ANKRD29: variants seen among roughly 807,000 people sequenced by gnomAD.
ANKRD29 encodes ankyrin repeat domain 29.
Under a neutral mutation model 38.0 loss-of-function variants are expected in ANKRD29, and 32 were observed. The observed-to-expected ratio is 0.84, with a 90% CI of 0.64 to 1.13. The LOEUF is 1.13. ANKRD29 is among the 50% of genes most tolerant of loss of function. ANKRD29 has a pLI of 0.00. For missense variants in ANKRD29, 357 were observed against 377.9 expected (o/e 0.94, Z 0.46); for synonymous variants, 135 against 152.4 (o/e 0.89, Z 0.84).
At chr18:23,661,607 G>A (rs1445558672) in intron 1 of ANKRD29, among the ~76,000 whole-genome samples, 1 of 152,184 alleles carries the variant, frequency 6.6e-6, no homozygotes, top group East Asian at 1.9e-4. Flanking sequence ...ACTCTGGAGG[G>A]TAAGGAAGGA....
chr18:23,649,177 G>C lies in ANKRD29; in HGVS notation c.38C>G (p.Ala13Gly). Reference protein sequence around the residue: ...RMSFKKETPLANAAFWAARRG... With the variant: ...RMSFKKETPLGNAAFWAARRG... Reference sequence around the variant, plus strand: ...CCTGGCTGCCCAGAATGCAGCATTGGCAAGTGGAGTTTCCTTCTGCAAGAA... The same window carrying C: ...CCTGGCTGCCCAGAATGCAGCATTGCCAAGTGGAGTTTCCTTCTGCAAGAA... The change falls in exon 2 of 10, where the codon GCC (alanine) becomes GGC (glycine). Residue 13 changes from alanine to glycine, a missense_variant. Ala to Gly is a moderately conservative substitution (Grantham distance 60, BLOSUM62 0). Coordinates refer to ENST00000592179, the MANE Select transcript of ANKRD29 (RefSeq NM_173505.4). 6.2e-7 allele frequency: 1 copy of C among 1,613,272 alleles called. No homozygotes were observed. The highest frequency in any genetic ancestry group is 8.5e-7 in the Non-Finnish European group (1 of 1,179,696).
At chr18:23,646,126 T>TATCATGAAA in intron 3 of ANKRD29, 63 bp downstream of exon 3, 2 of 1,474,408 alleles carry the variant, frequency 1.4e-6, no homozygotes, top group Non-Finnish European at 1.9e-6. Flanking sequence ...ACCAGTTCAC[T>TATCATGAAA]ATCATGAAAA....
chr18:23,620,121 A>G (rs1469966976), intron 6 of ANKRD29, among the ~76,000 whole-genome samples: 1 of 152,066 alleles, frequency 6.6e-6, no homozygotes, highest in Non-Finnish European at 1.5e-5. Context: ...TACACCCTTC[A>G]TTCCCATAGA....
At position 23,599,180 on chromosome 18, in the gene ANKRD29, T is replaced by A. The variant is rs1052369; in HGVS notation, c.*2046A>T. 87,671 of 152,116 alleles carry A rather than the reference T, an allele frequency of 0.58. 28,578 individuals are homozygous for A. Among genetic ancestry groups the A allele is most frequent in the East Asian group, 0.86 (4,478 of 5,178 alleles). 9.4% of individuals were successfully genotyped at this position (152,116 alleles called of 1,614,324 possible). ...CCGTACAGTCTTTGGTAGGTGATGATTCATTTTCCCTGCTATGGGTAATCT... is the reference window on the plus strand; with the variant it reads ...CCGTACAGTCTTTGGTAGGTGATGAATCATTTTCCCTGCTATGGGTAATCT... On this transcript the variant is annotated 3_prime_UTR_variant, in exon 10 of 10. Coordinates refer to ENST00000592179, the MANE Select transcript of ANKRD29 (RefSeq NM_173505.4).
At chr18:23,640,867 G>A (rs2145711331) in intron 3 of ANKRD29, among the ~76,000 whole-genome samples, 1 of 152,250 alleles carries the variant, frequency 6.6e-6, no homozygotes, top group South Asian at 2.1e-4. Context: ...CTGTTAAGAT[G>A]GTAGGTCTCA....
intron 1 of ANKRD29, among the ~76,000 whole-genome samples, chr18:23,654,300 AAAT>A (rs1298115277): frequency 6.0e-5 from 9 of 149,554 alleles, no homozygotes; most frequent in African/African-American, 2.2e-4. Flanking sequence ...ATAAATAAAT[AAAT>A]AAATAAATAA....
At chr18:23,610,609 A>T (rs748213816) in intron 9 of ANKRD29, among the ~76,000 whole-genome samples, 10 of 151,874 alleles carry the variant, frequency 6.6e-5, no homozygotes, top group Non-Finnish European at 1.2e-4. Context: ...AGCCTGGGCA[A>T]CACAGCAAGA....
At chr18:23,614,636 C>T (rs1435342703) in intron 8 of ANKRD29, among the ~76,000 whole-genome samples, 1 of 149,900 alleles carries the variant, frequency 6.7e-6, no homozygotes, top group Non-Finnish European at 1.5e-5. Flanking sequence ...AAGGTCAAGA[C>T]CAGCCTGGGC....
At chr18:23,650,358 G>A (rs2060194569) in intron 1 of ANKRD29, among the ~76,000 whole-genome samples, 1 of 151,436 alleles carries the variant, frequency 6.6e-6, no homozygotes, top group East Asian at 2.0e-4. Context: ...GGCCTAGGCT[G>A]GTCTCGAACT....
chr18:23,636,883 C>T (rs1321291397), intron 4 of ANKRD29, among the ~76,000 whole-genome samples: 3 of 152,144 alleles, frequency 2.0e-5, no homozygotes, highest in South Asian at 4.1e-4. Flanking sequence ...TTTTATAAAA[C>T]ACAGTTTTGG....
chr18:23,606,626 A>G (rs79120335), intron 9 of ANKRD29, among the ~76,000 whole-genome samples: 1,740 of 152,218 alleles, frequency 0.011, 34 homozygotes, highest in African/African-American at 0.039. Context: ...TTGACTTCTT[A>G]GACCCCCTGT....
At chr18:23,627,396 G>A (rs1021129329) in intron 6 of ANKRD29, among the ~76,000 whole-genome samples, 9 of 152,142 alleles carry the variant, frequency 5.9e-5, no homozygotes, top group African/African-American at 2.2e-4. Context: ...CTTGCTCCTT[G>A]ACCAGAGGGT....
Position 23,601,134 on chromosome 18 carries a change from T to C in ANKRD29, c.*92A>G. The C allele has an allele frequency of 2.5e-6, 3 of 1,189,058 alleles. No homozygotes were observed. The highest frequency in any genetic ancestry group is 3.6e-6 in the Non-Finnish European group (3 of 830,058). The allele number at this position is 1,189,058 out of a possible 1,614,324, so 73.7% of individuals were successfully genotyped here. ...TGGGCATTCTGGGCATCTTTTTTTT[T>C]CATAAAAGAATTTCCAACACTGCTT... is the stretch of plus-strand genomic sequence containing the variant. On this transcript the variant is annotated 3_prime_UTR_variant, in exon 10 of 10. Coordinates refer to ENST00000592179, the MANE Select transcript of ANKRD29 (RefSeq NM_173505.4).
At chr18:23,622,363 C>A (rs935733490) in intron 6 of ANKRD29, among the ~76,000 whole-genome samples, 2 of 152,022 alleles carry the variant, frequency 1.3e-5, no homozygotes, top group African/African-American at 4.8e-5. Context: ...AATACTAATG[C>A]GCTTCTCCCT....
At chr18:23,618,567 G>A (rs1568015744) in intron 7 of ANKRD29, 1 of 152,142 alleles carries the variant, frequency 6.6e-6, no homozygotes, top group Non-Finnish European at 1.5e-5. Context: ...GTGACAGAGT[G>A]AGACTCTGTC....
intron 8 of ANKRD29, among the ~76,000 whole-genome samples, chr18:23,616,604 C>CAGTA (rs1406556569): frequency 7.6e-6 from 1 of 131,280 alleles, no homozygotes; most frequent in East Asian, 2.8e-4. Context: ...ACTATATATA[C>CAGTA]TATATATATA....
chr18:23,619,530 C>A lies in ANKRD29; in HGVS notation c.627+1G>T, dbSNP rs1035073194. The A allele has an allele frequency of 2.5e-6, 4 of 1,588,620 alleles. No individual in the cohort carries two copies. Among genetic ancestry groups the A allele is most frequent in the Non-Finnish European group, 3.4e-6 (4 of 1,175,652 alleles). ...TTTGGCCGCGCGACTCGGGCACTCA[C>A]GTTCCGCGCAGCGTCGCGGTCGGCT... On this transcript the variant is annotated splice_donor_variant, in intron 7 of 9. Transcript: ENST00000592179. LOFTEE classifies it high-confidence loss of function.
chr18:23,603,702 A>G (rs1027317834), intron 9 of ANKRD29, among the ~76,000 whole-genome samples: 2 of 152,230 alleles, frequency 1.3e-5, no homozygotes, highest in African/African-American at 2.4e-5. Context: ...TGTTAAGGTC[A>G]TAGTGGTAGA....
chr18:23,630,085 T>C (rs2059910546), intron 5 of ANKRD29, 134 bp from the exon 6 acceptor site: 19 of 695,264 alleles, frequency 2.7e-5, no homozygotes, highest in South Asian at 2.7e-4. Flanking sequence ...ATCCAGGAGA[T>C]AGAGACCAGC....
Sources: gnomAD v4.1 joint callset for allele counts (sites outside exome capture counted in the v4.1 genomes callset) on GRCh38, gnomAD v4.1.1 for gene constraint, MANE v1.5 for transcripts, NCBI Gene and HGNC (gene_info 2026-07-23, HGNC 2026-07-21) for gene names.